ZFHX3: variants seen among roughly 807,000 people sequenced by gnomAD.
ZFHX3 encodes zinc finger homeobox protein 3.
A neutral mutation model predicts 279.1 loss-of-function variants in ZFHX3; 42 were observed. That is an observed-to-expected ratio of 0.15 (90% CI 0.12 to 0.19). The LOEUF (loss-of-function observed/expected upper bound fraction) is 0.19. Ranked by LOEUF, ZFHX3 falls within the 10% of genes least tolerant of loss-of-function variation. ZFHX3 has a pLI of 1.00. For synonymous variants in ZFHX3, 2,293 were observed against 1,957.8 expected (o/e 1.17, Z -4.52); for missense variants, 4,981 against 4,754.0 (o/e 1.05, Z -1.40).
rs2012919797 is a variant in ZFHX3, at chr16:73,235,608, T to C, written c.-1104+21439A>G. 5.9e-5 allele frequency among the ~76,000 whole-genome samples: 9 copies of C among 152,080 alleles called. No individual in the cohort carries two copies. In the South Asian group the frequency reaches 1.9e-3, roughly 31 times the overall value. ...GTATGGGGGAATAAAAGTTGTGCCA[T>C]GTGTTGCCTGATCTTCCACTGTTCC... On this transcript the variant is annotated intron_variant, in intron 5 of 17. Transcript: ENST00000641206.
chr16:73,114,040 C>T (rs1761645401), intron 7 of ZFHX3, among the ~76,000 whole-genome samples: 1 of 151,892 alleles, frequency 6.6e-6, no homozygotes, highest in Non-Finnish European at 1.5e-5. Context: ...TTGTGATCTG[C>T]TCGCCTCGGC....
chr16:72,919,268 C>T (rs1475569918), intron 3 of ZFHX3, among the ~76,000 whole-genome samples: 1 of 152,032 alleles, frequency 6.6e-6, no homozygotes, highest in African/African-American at 2.4e-5. Context: ...AAGCGATTCT[C>T]CCACCTCAGC....
intron 1 of ZFHX3, among the ~76,000 whole-genome samples, chr16:73,028,636 C>T (rs117685529): frequency 0.023 from 3,483 of 152,258 alleles, 65 homozygotes; most frequent in East Asian, 0.089. Flanking sequence ...TAACCTCAAC[C>T]GCTCGGAGGG....
chr16:73,622,568 A>AGAAG (rs781104930), intron 2 of ZFHX3, among the ~76,000 whole-genome samples: 9 of 151,218 alleles, frequency 6.0e-5, no homozygotes, highest in Middle Eastern at 3.2e-3. Flanking sequence ...TCTCCAAAAA[A>AGAAG]GAAAGAAAGA....
intron 4 of ZFHX3, among the ~76,000 whole-genome samples, chr16:73,315,397 T>C (rs1597280202): frequency 6.6e-6 from 1 of 152,190 alleles, no homozygotes; most frequent in African/African-American, 2.4e-5. Flanking sequence ...TTCTACCTTT[T>C]AGTTTACTAT....
intron 9 of ZFHX3, chr16:72,790,754 G>C (rs1255307065): frequency 6.6e-6 from 1 of 152,188 alleles, no homozygotes; most frequent in Non-Finnish European, 1.5e-5. Flanking sequence ...TAGATTATGA[G>C]TTCTAAACTT....
intron 1 of ZFHX3, among the ~76,000 whole-genome samples, chr16:73,823,413 G>C (rs1171043207): frequency 6.6e-6 from 1 of 152,144 alleles, no homozygotes; most frequent in Admixed American, 6.5e-5. Context: ...CAGATGAAAG[G>C]CAACACAGCC....
chr16:73,708,207 A>G (rs2053324678), intron 1 of ZFHX3, among the ~76,000 whole-genome samples: 1 of 152,224 alleles, frequency 6.6e-6, no homozygotes, highest in Admixed American at 6.5e-5. Flanking sequence ...TGGAGAAATC[A>G]TTGAAGTCTC....
In ZFHX3 at chr16:73,879,944, T is replaced by A. The variant is rs139610393; in HGVS notation, c.-1608+11707A>T. ...GATAACAACTGTTATAGGATCCTAATTTCAATTTTATATACATTAGTTCTC... is the reference window on the plus strand; with the variant it reads ...GATAACAACTGTTATAGGATCCTAAATTCAATTTTATATACATTAGTTCTC... On this transcript the variant is annotated intron_variant, in intron 1 of 17. Coordinates refer to the ZFHX3 transcript ENST00000641206. Among the ~76,000 whole-genome samples the A allele has an allele frequency of 5.0e-3, 758 of 152,256 alleles. 5 individuals are homozygous for A. The highest frequency in any genetic ancestry group is 7.5e-3 in the Non-Finnish European group (509 of 68,002).
chr16:73,221,010 T>C (rs1180564761), intron 5 of ZFHX3, among the ~76,000 whole-genome samples: 1 of 152,120 alleles, frequency 6.6e-6, no homozygotes, highest in African/African-American at 2.4e-5. Context: ...AGCACTGTTA[T>C]CAAGGGCAAA....
intron 2 of ZFHX3, among the ~76,000 whole-genome samples, chr16:73,660,316 C>T (rs1264635754): frequency 6.6e-6 from 1 of 152,178 alleles, no homozygotes; most frequent in Non-Finnish European, 1.5e-5. Context: ...TTTAACTTTC[C>T]TTTAGATGTG....
chr16:72,783,638 G>A lies in ZFHX3; in HGVS notation c.*3526C>T, dbSNP rs1179107315. 6.7e-6 allele frequency: 1 copy of A among 150,084 alleles called. No homozygotes were observed. The highest frequency in any genetic ancestry group is 2.5e-5 in the African/African-American group (1 of 40,576). 9.3% of individuals were successfully genotyped at this position (150,084 alleles called of 1,614,324 possible). ...AAATTTTTCCTTGTGTAGATATGTGGTTTTTGGAAGGATGGAGGAAAGATG... is the reference window on the plus strand; with the variant it reads ...AAATTTTTCCTTGTGTAGATATGTGATTTTTGGAAGGATGGAGGAAAGATG... On this transcript the variant is annotated 3_prime_UTR_variant, in exon 10 of 10. Transcript: ENST00000268489.
At chr16:73,531,714 C>CAAA (rs34119200) in intron 2 of ZFHX3, among the ~76,000 whole-genome samples, 38 of 81,090 alleles carry the variant, frequency 4.7e-4, no homozygotes, top group African/African-American at 5.8e-4. Context: ...AACCCTGTCT[C>CAAA]AAAAAAAAAA....
chr16:73,255,983 T>C (rs2013651922), intron 5 of ZFHX3, among the ~76,000 whole-genome samples: 1 of 152,200 alleles, frequency 6.6e-6, no homozygotes, highest in African/African-American at 2.4e-5. Flanking sequence ...CCCTTAGTCA[T>C]TTCACAGTGA....
At chr16:73,822,500 T>C (rs995924922) in intron 1 of ZFHX3, among the ~76,000 whole-genome samples, 1 of 151,640 alleles carries the variant, frequency 6.6e-6, no homozygotes, top group Non-Finnish European at 1.5e-5. Context: ...TGACTGTCAT[T>C]GAAAAGCTGC....
intron 1 of ZFHX3, among the ~76,000 whole-genome samples, chr16:73,749,209 A>G (rs399705): frequency 0.11 from 16,357 of 151,906 alleles, 1,520 homozygotes; most frequent in African/African-American, 0.25. Context: ...TCCCTAAAAT[A>G]CCCTTATTGT....
At chr16:73,881,490 C>CA (rs2030161416) in intron 1 of ZFHX3, among the ~76,000 whole-genome samples, 1 of 94,098 alleles carries the variant, frequency 1.1e-5, no homozygotes, top group Non-Finnish European at 2.9e-5. Context: ...GCCCCCCCCC[C>CA]CCACTCTGCC....
At chr16:73,803,827 C>T (rs1190162161) in intron 1 of ZFHX3, among the ~76,000 whole-genome samples, 1 of 152,142 alleles carries the variant, frequency 6.6e-6, no homozygotes, top group Non-Finnish European at 1.5e-5. Flanking sequence ...GCGTGTGTGT[C>T]TGTGAACAAA....
chr16:73,791,723 T>A (rs1959831732), intron 1 of ZFHX3, among the ~76,000 whole-genome samples: 1 of 152,234 alleles, frequency 6.6e-6, no homozygotes, highest in Non-Finnish European at 1.5e-5. Flanking sequence ...GCACCCAGCC[T>A]AGAATTTGCA....
Sources: allele counts gnomAD v4.1 joint callset (sites outside exome capture counted in the v4.1 genomes callset), GRCh38; gene constraint gnomAD v4.1.1; transcripts MANE v1.5; gene names NCBI Gene and HGNC (gene_info 2026-07-23, HGNC 2026-07-21).